ARL9: variants seen among roughly 807,000 people sequenced by gnomAD.
ARL9 encodes the protein ADP-ribosylation factor-like protein 9.
A neutral mutation model predicts 27.0 loss-of-function variants in ARL9; 14 were observed. The ratio of observed to expected loss-of-function variants is 0.52; its 90% confidence interval spans 0.34 to 0.81. ARL9 has a LOEUF of 0.81. ARL9 is among the 30% of genes least tolerant of loss of function. The pLI, the probability that ARL9 is intolerant of heterozygous loss-of-function variation, is 0.01. For synonymous variants in ARL9, 106 were observed against 108.7 expected, an observed-to-expected ratio of 0.98 and a Z score of 0.15; for missense variants, 294 against 290.0, an observed-to-expected ratio of 1.01 and a Z score of -0.10.
At chr4:56,522,510 CTT>C (rs1176860719) in intron 3 of ARL9, among the ~76,000 whole-genome samples, 1 of 151,366 alleles carries the variant, frequency 6.6e-6, no homozygotes, top group Non-Finnish European at 1.5e-5. Context: ...TCTTCTAAAA[CTT>C]AGGGGGAATG....
chr4:56,520,779 T>G (rs73169316), intron 3 of ARL9, among the ~76,000 whole-genome samples: 119 of 152,278 alleles, frequency 7.8e-4, no homozygotes, highest in African/African-American at 2.8e-3. Flanking sequence ...AATTCCTGAC[T>G]TTTCTCCTAC....
chr4:56,506,618 G>C, intron 1 of ARL9: 2 of 985,406 alleles, frequency 2.0e-6, no homozygotes, highest in Non-Finnish European at 2.4e-6. Context: ...GTTGTTTTCA[G>C]ACCACCAGTA....
chr4:56,519,308 C>T (rs773808839), intron 3 of ARL9, among the ~76,000 whole-genome samples: 5 of 152,070 alleles, frequency 3.3e-5, no homozygotes, highest in Non-Finnish European at 7.4e-5. Context: ...TAACATGGTT[C>T]CGCAAAAGAA....
At chr4:56,505,542 A>G (rs2110138645), upstream of ARL9, 1 of 539,294 alleles carries the variant, frequency 1.9e-6, no homozygotes, top group Non-Finnish European at 3.5e-6. Context: ...TTCTGCAGCA[A>G]TGATATACCC....
At chr4:56,514,913 G>A (rs1176334133) in intron 2 of ARL9, among the ~76,000 whole-genome samples, 1 of 152,154 alleles carries the variant, frequency 6.6e-6, no homozygotes, top group African/African-American at 2.4e-5. Context: ...AAGAGATAAT[G>A]TATCACTAGA....
chr4:56,505,538 A>T (rs1721426567), upstream of ARL9: 1 of 535,118 alleles, frequency 1.9e-6, no homozygotes, highest in Admixed American at 2.2e-5. Flanking sequence ...CTTTTTCTGC[A>T]GCAATGATAT....
chr4:56,510,760 G>A (rs1015884571), intron 1 of ARL9, among the ~76,000 whole-genome samples: 3 of 148,154 alleles, frequency 2.0e-5, no homozygotes, highest in African/African-American at 7.4e-5. Context: ...TAAAATATTC[G>A]TGAAGTTTTA....
At chr4:56,508,484 G>C (rs930490093) in intron 1 of ARL9, among the ~76,000 whole-genome samples, 4 of 152,094 alleles carry the variant, frequency 2.6e-5, no homozygotes, top group Admixed American at 2.0e-4. Flanking sequence ...CCAGGTTCAA[G>C]TGATTGTCCT....
In ARL9 at chr4:56,523,943, C is replaced by A. The variant is rs1449029856; in HGVS notation, c.*67C>A. ...TCAGTGTTGAATGGCAGGCTTGAAG[C>A]CAAAGGTTTCCACCTCAAATAAAAA... On this transcript the variant is annotated 3_prime_UTR_variant, in exon 4 of 4. Transcript: ENST00000640821. The A allele has an allele frequency of 2.8e-5, 40 of 1,423,306 alleles. No individual in the cohort carries two copies. The highest frequency in any genetic ancestry group is 3.3e-5 in the Non-Finnish European group (35 of 1,057,450). 88.2% of individuals were successfully genotyped at this position (1,423,306 alleles called of 1,614,324 possible).
At chr4:56,511,055 G>T in intron 1 of ARL9, 130 bp from the exon 2 acceptor site, 1 of 889,914 alleles carries the variant, frequency 1.1e-6, no homozygotes, top group Non-Finnish European at 1.6e-6. Context: ...TTACAGGCGT[G>T]AGCCACCGCA....
In ARL9 at chr4:56,523,770, A is replaced by G. The variant is rs201807967; in HGVS notation, c.692A>G (p.Lys231Arg). 6.3e-5 allele frequency: 102 copies of G among 1,613,832 alleles called. No individual in the cohort carries two copies. The highest frequency in any genetic ancestry group is 8.4e-5 in the Non-Finnish European group (99 of 1,179,838). ...TTATCTGAAGTGGGAAATGACAGGA[A>G]GATGTTCTTGTTTGGAACCTACCTG... ...LALSEVGNDR[K>R]MFLFGTYLTK... Residue 231 changes from lysine (K) to arginine (R), a missense_variant, in exon 4 of 4, where the codon AAG (lysine) becomes AGG (arginine). Physicochemically the swap from Lys to Arg is conservative, Grantham distance 26. Coordinates refer to ENST00000640821, the MANE Select transcript of ARL9 (RefSeq NM_001363794.2).
Position 56,507,339 on chromosome 4 carries a change from G to C in ARL9, c.279+1198G>C, listed in dbSNP as rs537849535. The stretch of plus-strand genomic sequence containing the variant: ...TTTTTGTTTTTGTTTTTTTGAGACA[G>C]AGTCTGGCTCTGTCGCCCAGGCTTG... On this transcript the variant is annotated intron_variant, in intron 1 of 3. Coordinates refer to ENST00000640821, the MANE Select transcript of ARL9 (RefSeq NM_001363794.2). Among the ~76,000 whole-genome samples the C allele has an allele frequency of 8.6e-5, 13 of 151,986 alleles. No individual in the cohort carries two copies. The South Asian group carries it at 1.9e-3, about 22-fold the overall frequency.
intron 3 of ARL9, among the ~76,000 whole-genome samples, chr4:56,522,628 A>G (rs1302059674): frequency 1.3e-5 from 2 of 152,152 alleles, no homozygotes; most frequent in South Asian, 2.1e-4. Flanking sequence ...ATGAAAGGGA[A>G]TGTCACAGGT....
Position 56,524,031 on chromosome 4 carries a change from G to T in ARL9, c.*155G>T. 3 of 569,268 alleles carry T rather than the reference G, an allele frequency of 5.3e-6. 1 individual carries two copies. Among genetic ancestry groups the T allele is most frequent in the Non-Finnish European group, 8.3e-6 (3 of 360,910 alleles). 35.3% of individuals were successfully genotyped at this position (569,268 alleles called of 1,614,324 possible). A position where few individuals can be genotyped will look rare whatever the true frequency, so the allele number is the denominator to read the frequency against. ...TATAGTTAGCCCTCCATATCCATGG[G>T]TTCCACATCTGGGGATTCAAGAACT... On this transcript the variant is annotated 3_prime_UTR_variant, in exon 4 of 4. Transcript: ENST00000640821.
chr4:56,516,584 CA>C (rs10718013), intron 2 of ARL9, among the ~76,000 whole-genome samples: 26,827 of 120,090 alleles, frequency 0.22, 2,336 homozygotes, highest in Admixed American at 0.36. Flanking sequence ...TCAAATTAGG[CA>C]AAAAAAAAAA....
upstream of ARL9, chr4:56,505,407 A>G (rs1442646761): frequency 1.1e-5 from 5 of 457,624 alleles, no homozygotes; most frequent in Admixed American, 7.0e-5. Flanking sequence ...GGTTCTTCAC[A>G]CAGGCTGGCC....
At chr4:56,513,158 T>C (rs1721683887) in intron 2 of ARL9, among the ~76,000 whole-genome samples, 1 of 152,246 alleles carries the variant, frequency 6.6e-6, no homozygotes, top group African/African-American at 2.4e-5. Flanking sequence ...AAGCCATCAA[T>C]TTAGGTAAAT....
Position 56,514,877 on chromosome 4 carries a change from G to A in ARL9, c.442+3530G>A, listed in dbSNP as rs1721728920. Among the ~76,000 whole-genome samples the A allele has an allele frequency of 2.0e-5, 3 of 152,124 alleles. No individual in the cohort carries two copies. The South Asian group carries it at 6.2e-4, about 32-fold the overall frequency. On this transcript the variant is annotated intron_variant, in intron 2 of 3. Transcript: ENST00000640821. ...ATGTAGAAATCTGAACAAAATTGTAGTAAACTAAATTCAGTTAACATATTA... is the reference window on the plus strand; with the variant it reads ...ATGTAGAAATCTGAACAAAATTGTAATAAACTAAATTCAGTTAACATATTA...
chr4:56,515,324 A>T (rs1253404048), intron 2 of ARL9, among the ~76,000 whole-genome samples: 1 of 152,172 alleles, frequency 6.6e-6, no homozygotes, highest in African/African-American at 2.4e-5. Flanking sequence ...AGTAAAAAAC[A>T]TAATCACCTT....
Sources: gnomAD v4.1 joint callset for allele counts (sites outside exome capture counted in the v4.1 genomes callset) on GRCh38, gnomAD v4.1.1 for gene constraint, MANE v1.5 for transcripts, NCBI Gene and HGNC (gene_info 2026-07-23, HGNC 2026-07-21) for gene names.